AJAP1: variants seen among roughly 807,000 people sequenced by gnomAD.
AJAP1 encodes adherens junction-associated protein 1.
Under a neutral mutation model 35.0 loss-of-function variants are expected in AJAP1, and 5 were observed. That is an observed-to-expected ratio of 0.14 (90% CI 0.07 to 0.30). The LOEUF is 0.30. Ranked by LOEUF, AJAP1 falls within the 10% of genes least tolerant of loss-of-function variation. The pLI is 1.00. For synonymous variants in AJAP1, 284 were observed against 249.3 expected (o/e 1.14, Z -1.31); for missense variants, 586 against 571.0 (o/e 1.03, Z -0.27).
chr1:4,747,411 C>T (rs1641213781), intron 2 of AJAP1, among the ~76,000 whole-genome samples: 1 of 152,198 alleles, frequency 6.6e-6, no homozygotes, highest in African/African-American at 2.4e-5. Flanking sequence ...GTCTTGCAGA[C>T]CGGGTTGGCC....
chr1:4,702,877 G>A (rs1444266211), intron 1 of AJAP1, among the ~76,000 whole-genome samples: 2 of 152,198 alleles, frequency 1.3e-5, no homozygotes, highest in South Asian at 4.1e-4. Context: ...GGCATTGGGA[G>A]GCAAGCCCCC....
At chr1:4,744,282 G>A (rs4654598) in intron 2 of AJAP1, among the ~76,000 whole-genome samples, 26,239 of 152,210 alleles carry the variant, frequency 0.17, 2,900 homozygotes, top group Admixed American at 0.3. Flanking sequence ...GGAACCCTCC[G>A]TTTGTGTAAA....
rs984789141 is a variant in AJAP1, at chr1:4,654,721, C to T, written c.-705C>T. On this transcript the variant is annotated 5_prime_UTR_variant, in exon 1 of 6. Transcript: ENST00000378191. The surrounding 1 kb of genome is among the most constrained non-coding windows in gnomAD (Gnocchi z 5.1). ...GCGCCTCCTCCGCGCGGCGCCGCCG[C>T]CGCGCGTCCCCACGCCCCGCGCTCC... 7 of 146,938 alleles carry T rather than the reference C, an allele frequency of 4.8e-5. No individual in the cohort carries two copies. Among genetic ancestry groups the T allele is most frequent in the African/African-American group, 1.7e-4 (7 of 40,858 alleles). 9.1% of individuals were successfully genotyped at this position (146,938 alleles called of 1,614,324 possible).
intron 1 of AJAP1, among the ~76,000 whole-genome samples, chr1:4,710,072 T>C (rs1339749930): frequency 1.3e-5 from 2 of 149,758 alleles, no homozygotes; most frequent in Non-Finnish European, 3.0e-5. Context: ...ACACATAGAG[T>C]CTCTCACACA....
chr1:4,668,204 ACT>A (rs149839663), intron 1 of AJAP1, among the ~76,000 whole-genome samples: 12,318 of 91,606 alleles, frequency 0.13, 733 homozygotes, highest in Admixed American at 0.3. Context: ...ACAGAGTGAA[ACT>A]CTATCTCAAA....
intron 4 of AJAP1, 118 bp from the exon 5 acceptor site, chr1:4,774,309 C>G (rs1641899793): frequency 1.1e-6 from 1 of 911,342 alleles, no homozygotes; most frequent in African/African-American, 1.6e-5. Context: ...GCCAGGAGTC[C>G]ACATTAGTGC....
chr1:4,719,756 G>A (rs1330475987), intron 2 of AJAP1, among the ~76,000 whole-genome samples: 1 of 152,148 alleles, frequency 6.6e-6, no homozygotes, highest in African/African-American at 2.4e-5. Context: ...TGCAAGGAGC[G>A]GGAACGATGG....
At chr1:4,745,179 T>A (rs762538122) in intron 2 of AJAP1, among the ~76,000 whole-genome samples, 8 of 152,212 alleles carry the variant, frequency 5.3e-5, no homozygotes, top group Non-Finnish European at 1.0e-4. Context: ...TGATAACAAA[T>A]GGACGTCAGA....
At chr1:4,666,549 C>T (rs1446263305) in intron 1 of AJAP1, among the ~76,000 whole-genome samples, 1 of 125,226 alleles carries the variant, frequency 8.0e-6, no homozygotes, top group African/African-American at 3.2e-5. Context: ...GGGAGGGGTG[C>T]GGAGAGGGGC....
Position 4,789,340 on chromosome 1 carries a change from A to T in AJAP1, c.*6855A>T, listed in dbSNP as rs1407904846. 6.6e-6 allele frequency: 1 copy of T among 152,256 alleles called. No homozygotes were observed. Among genetic ancestry groups the T allele is most frequent in the Non-Finnish European group, 1.5e-5 (1 of 68,048 alleles). The allele number at this position is 152,256 out of a possible 1,614,324, so 9.4% of individuals were successfully genotyped here. On this transcript the variant is annotated 3_prime_UTR_variant, in exon 6 of 6. Coordinates refer to ENST00000378191, the MANE Select transcript of AJAP1 (RefSeq NM_018836.4). The surrounding 1 kb of genome is among the most constrained non-coding windows in gnomAD (Gnocchi z 4.4). ...CAAGACATGTGCTTGGGACTGGATT[A>T]ACTCTTGTCAATATCTTGGATTCCA...
chr1:4,672,879 C>T (rs552967918), intron 1 of AJAP1, among the ~76,000 whole-genome samples: 11 of 152,148 alleles, frequency 7.2e-5, no homozygotes, highest in African/African-American at 1.2e-4. Flanking sequence ...GTGTCATCAC[C>T]GGAGTCCTTG....
intron 2 of AJAP1, among the ~76,000 whole-genome samples, chr1:4,724,351 G>T (rs1286327406): frequency 6.6e-6 from 1 of 152,132 alleles, no homozygotes; most frequent in Non-Finnish European, 1.5e-5. Flanking sequence ...CCCACCTATG[G>T]CCCCTCACCT....
chr1:4,670,790 A>G (rs574553250), intron 1 of AJAP1, among the ~76,000 whole-genome samples: 1 of 152,364 alleles, frequency 6.6e-6, no homozygotes, highest in East Asian at 1.9e-4. Flanking sequence ...ACTGCAACAC[A>G]GTTTTCCAGA....
chr1:4,765,952 A>C (rs937484637), intron 2 of AJAP1, among the ~76,000 whole-genome samples: 3 of 152,242 alleles, frequency 2.0e-5, no homozygotes, highest in African/African-American at 7.2e-5. Flanking sequence ...AGCCCAGCAC[A>C]CAGCAAAGCT....
chr1:4,762,917 G>T (rs370556500), intron 2 of AJAP1, among the ~76,000 whole-genome samples: 455 of 152,272 alleles, frequency 3.0e-3, no homozygotes, highest in African/African-American at 0.01. Context: ...CCATGTTATG[G>T]ACCTCTACAG....
At chr1:4,721,441 C>A (rs557911250) in intron 2 of AJAP1, among the ~76,000 whole-genome samples, 1 of 152,328 alleles carries the variant, frequency 6.6e-6, no homozygotes, top group Admixed American at 6.5e-5. Context: ...TCCAGAGGGT[C>A]CTGTCCATCA....
intron 2 of AJAP1, among the ~76,000 whole-genome samples, chr1:4,767,567 TATCACCATC>T (rs374788286): frequency 0.011 from 1,423 of 131,666 alleles, 24 homozygotes; most frequent in African/African-American, 0.04. Flanking sequence ...TTACCATCAT[TATCACCATC>T]ATCACCATCA....
At chr1:4,775,758 C>T (rs1641928243) in intron 5 of AJAP1, among the ~76,000 whole-genome samples, 1 of 152,212 alleles carries the variant, frequency 6.6e-6, no homozygotes, top group South Asian at 2.1e-4. Context: ...ACCGAGCTGC[C>T]CTGCAAGGGC....
intron 4 of AJAP1, 31 bp downstream of exon 4, chr1:4,772,556 T>C: frequency 1.9e-6 from 3 of 1,606,092 alleles, no homozygotes; most frequent in South Asian, 1.1e-5. Context: ...ACCCTGCAGC[T>C]GTGAAGCTCT....
Sources: gnomAD v4.1 joint callset for allele counts (sites outside exome capture counted in the v4.1 genomes callset) on GRCh38, gnomAD v4.1.1 for gene constraint, Gnocchi (gnomAD v3.1) non-coding constraint, MANE v1.5 for transcripts, NCBI Gene and HGNC (gene_info 2026-07-23, HGNC 2026-07-21) for gene names.